Variants in CSRP1 observed in about 807,000 individuals in gnomAD.
The protein encoded by CSRP1 is cysteine and glycine rich protein 1.
A neutral mutation model predicts 25.4 loss-of-function variants in CSRP1; 16 were observed. The observed-to-expected ratio is 0.63, with a 90% CI of 0.43 to 0.96. The LOEUF (loss-of-function observed/expected upper bound fraction) is 0.96, where lower values mean the gene tolerates loss of function less well. Ranked by LOEUF, CSRP1 falls within the 40% of genes least tolerant of loss-of-function variation. The pLI, the probability that CSRP1 is intolerant of heterozygous loss-of-function variation, is 0.00. For synonymous variants in CSRP1, 97 were observed against 95.3 expected (o/e 1.02, Z -0.10); for missense variants, 212 against 243.6 (o/e 0.87, Z 0.86).
At chr1:201,501,631 C>T (rs558180779) in intron 1 of CSRP1, among the ~76,000 whole-genome samples, 37 of 152,266 alleles carry the variant, frequency 2.4e-4, no homozygotes, top group African/African-American at 7.9e-4. Flanking sequence ...GCCAAGGTGG[C>T]AGCTCTTACA....
rs1379611325 is a variant in CSRP1, at chr1:201,484,388, C to A, written c.*325G>T. The A allele has an allele frequency of 4.0e-6, 2 of 498,280 alleles. No homozygotes were observed. The highest frequency in any genetic ancestry group is 1.9e-5 in the African/African-American group (1 of 52,812). 30.9% of individuals were successfully genotyped at this position (498,280 alleles called of 1,614,324 possible). A position where few individuals can be genotyped will look rare whatever the true frequency, so the allele number is the denominator to read the frequency against. On this transcript the variant is annotated 3_prime_UTR_variant, in exon 6 of 6. Coordinates refer to ENST00000340006, the MANE Select transcript of CSRP1 (RefSeq NM_004078.3). ...ATGTGTCCTCAGGTGTCTTGGTCAG[C>A]TGATGATGGACACGCAGCACAGGAG... is the stretch of plus-strand genomic sequence containing the variant.
At chr1:201,489,835 A>G in intron 3 of CSRP1, 1 of 196,186 alleles carries the variant, frequency 5.1e-6, no homozygotes, top group Non-Finnish European at 1.1e-5. Flanking sequence ...GTACCACTGC[A>G]CTCCAGCCTG....
At chr1:201,501,545 C>G (rs1664669642) in intron 1 of CSRP1, among the ~76,000 whole-genome samples, 1 of 152,216 alleles carries the variant, frequency 6.6e-6, no homozygotes, top group Non-Finnish European at 1.5e-5. Context: ...ATCTTCCTAG[C>G]CTGGCTGTCC....
chr1:201,494,266 C>T (rs957201408), intron 2 of CSRP1, among the ~76,000 whole-genome samples: 5 of 152,124 alleles, frequency 3.3e-5, no homozygotes, highest in Non-Finnish European at 5.9e-5. Context: ...CAGGCAGGCA[C>T]CCCCGCCCAC....
intron 1 of CSRP1, 54 bp from the exon 2 acceptor site, chr1:201,496,358 CAGATTGT>C: frequency 3.6e-6 from 5 of 1,385,700 alleles, no homozygotes; most frequent in Non-Finnish European, 5.1e-6. Flanking sequence ...GGAAACATCT[CAGATTGT>C]CCACGACAGA....
In CSRP1 at chr1:201,494,092, C is replaced by T. The variant is rs572267; in HGVS notation, c.112+2100G>A. On this transcript the variant is annotated intron_variant, in intron 2 of 5. Coordinates refer to ENST00000340006, the MANE Select transcript of CSRP1 (RefSeq NM_004078.3). ...TGCTCATTGCATAACACCCCCGCAC[C>T]CCGCCAAGAGCCCTGCTCCCCAGCC... is the stretch of plus-strand genomic sequence containing the variant. 5.6e-3 allele frequency among the ~76,000 whole-genome samples: 854 copies of T among 152,072 alleles called. 7 individuals carry two copies. The highest frequency in any genetic ancestry group is 0.02 in the African/African-American group (816 of 41,460).
intron 4 of CSRP1, chr1:201,488,429 ATG>A (rs1312621652): frequency 6.5e-6 from 1 of 154,834 alleles, no homozygotes; most frequent in Admixed American, 6.4e-5. Context: ...ATGAAACAGA[ATG>A]TATATTTTTG....
chr1:201,498,396 GA>G (rs1312407618), intron 1 of CSRP1, among the ~76,000 whole-genome samples: 1 of 152,218 alleles, frequency 6.6e-6, no homozygotes, highest in Non-Finnish European at 1.5e-5. Context: ...GAGGTGCCGG[GA>G]AATAAAGGGG....
rs576758670 is a variant in CSRP1, at chr1:201,488,907, G to A, written c.359C>T (p.Pro120Leu). The part of the protein sequence containing the change: ...AQKIGGSERC[P>L]RCSQAVYAAE... ...AGCATAGACTGCCTGGCTGCATCGG[G>A]GGCAGCGCTCGGAGCCACCAATCTT... The change falls in exon 4 of 6, where the codon CCC becomes CTC. Residue 120 changes from proline to leucine, a missense_variant. Pro to Leu is a moderately conservative substitution (Grantham distance 98). Coordinates refer to ENST00000340006, the MANE Select transcript of CSRP1 (RefSeq NM_004078.3). 28 of 1,614,090 alleles carry A rather than the reference G, an allele frequency of 1.7e-5. No individual in the cohort carries two copies. Among genetic ancestry groups the A allele is most frequent in the African/African-American group, 5.3e-5 (4 of 75,014 alleles).
At chr1:201,498,755 C>T (rs765367562) in intron 1 of CSRP1, among the ~76,000 whole-genome samples, 7 of 152,220 alleles carry the variant, frequency 4.6e-5, no homozygotes, top group Non-Finnish European at 7.3e-5. Flanking sequence ...GCACTAATAT[C>T]GAAAGCCACA....
At chr1:201,486,530 G>T in intron 4 of CSRP1, 1 of 985,942 alleles carries the variant, frequency 1.0e-6, no homozygotes. Context: ...GGGGACCTGG[G>T]TCTAGGTCAG....
At chr1:201,501,879 G>C (rs748216105) in intron 1 of CSRP1, among the ~76,000 whole-genome samples, 5 of 152,052 alleles carry the variant, frequency 3.3e-5, no homozygotes, top group Admixed American at 6.6e-5. Flanking sequence ...TGTAATCCCA[G>C]CTACTCCGGA....
chr1:201,492,945 G>C (rs1664385945), intron 2 of CSRP1: 1 of 152,328 alleles, frequency 6.6e-6, no homozygotes, highest in Non-Finnish European at 1.5e-5. Flanking sequence ...TGTGCTCTTG[G>C]ATTCTAGGGA....
rs688219 is a variant in CSRP1 at position 201,503,363 on chromosome 1, C to G, written c.-2+3707G>C. ...TGATTTTTCTTTGATTAATTTTTTA[C>G]AAGTTAAAACACATTAGCACTTAGG... On this transcript the variant is annotated intron_variant, in intron 1 of 5. Coordinates refer to ENST00000340006, the MANE Select transcript of CSRP1 (RefSeq NM_004078.3). Among the ~76,000 whole-genome samples the G allele has an allele frequency of 1.7e-3, 256 of 152,160 alleles. 1 individual carries two copies. The highest frequency in any genetic ancestry group is 6.0e-3 in the African/African-American group (247 of 41,492).
In CSRP1 at chr1:201,505,540, C is replaced by G. The variant is rs75481623; in HGVS notation, c.-2+1530G>C. The stretch of plus-strand genomic sequence containing the variant: ...TCCCCATACCCTCCATCCTGGGCAT[C>G]TCAGGCCTTGCAGACAGTTCTCTCC... On this transcript the variant is annotated intron_variant, in intron 1 of 5. Transcript: ENST00000340006. 1.4e-4 allele frequency among the ~76,000 whole-genome samples: 21 copies of G among 152,258 alleles called. No homozygotes were observed. In the East Asian group the frequency reaches 4.1e-3, roughly 29 times the overall value.
Position 201,490,352 on chromosome 1 carries a change from G to A in CSRP1, c.113-8C>T, listed in dbSNP as rs200752337. 1.9e-6 allele frequency: 3 copies of A among 1,611,982 alleles called. No homozygotes were observed. The highest frequency in any genetic ancestry group is 2.2e-5 in the East Asian group (1 of 44,820). The stretch of plus-strand genomic sequence containing the variant: ...GATTCTTCTTGCAGACCACTGTGGA[G>A]GGGAAGGGGAAGCGGACGCATTGAG... On this transcript the variant is annotated splice_region_variant and splice_polypyrimidine_tract_variant and intron_variant, in intron 2 of 5. Transcript: ENST00000340006.
At chr1:201,495,102 G>T (rs1365196617) in intron 2 of CSRP1, among the ~76,000 whole-genome samples, 1 of 152,136 alleles carries the variant, frequency 6.6e-6, no homozygotes, top group Non-Finnish European at 1.5e-5. Flanking sequence ...TACCATCATG[G>T]GGAATGTACC....
intron 4 of CSRP1, 137 bp downstream of exon 4, chr1:201,488,718 A>G: frequency 1.0e-6 from 1 of 983,258 alleles, no homozygotes; most frequent in Non-Finnish European, 1.5e-6. Flanking sequence ...TGCAACCCAC[A>G]GGGACAAAGA....
intron 1 of CSRP1, among the ~76,000 whole-genome samples, chr1:201,497,932 C>T (rs1664559017): frequency 6.6e-6 from 1 of 151,992 alleles, no homozygotes; most frequent in African/African-American, 2.4e-5. Flanking sequence ...ATCGCTTGAA[C>T]CTGGGAGGCA....
Sources: gnomAD v4.1 joint callset for allele counts (sites outside exome capture counted in the v4.1 genomes callset) on GRCh38, gnomAD v4.1.1 for gene constraint, MANE v1.5 for transcripts, NCBI Gene and HGNC (gene_info 2026-07-23, HGNC 2026-07-21) for gene names.